Variants in SGCZ observed in about 807,000 individuals in gnomAD.
SGCZ encodes the protein zeta-sarcoglycan.
In SGCZ, 40 loss-of-function variants were observed where a neutral mutation model predicts 41.3. The observed-to-expected ratio is 0.97, with a 90% CI of 0.75 to 1.26. SGCZ has a LOEUF of 1.26. Ranked by LOEUF, SGCZ falls within the 50% of genes most tolerant of loss-of-function variation. The probability of loss-of-function intolerance (pLI) is 0.00; values close to 1 mark genes in which losing one functional copy is unlikely to be tolerated. For synonymous variants in SGCZ, 206 were observed against 137.5 expected, an observed-to-expected ratio of 1.50 and a Z score of -3.49; for missense variants, 552 against 369.8, an observed-to-expected ratio of 1.49 and a Z score of -4.04.
intron 1 of SGCZ, among the ~76,000 whole-genome samples, chr8:15,021,710 G>T (rs1403853409): frequency 6.6e-6 from 1 of 152,176 alleles, no homozygotes; most frequent in Non-Finnish European, 1.5e-5. Context: ...GACTTCCATT[G>T]ATTAGGATTT....
chr8:14,402,926 G>C lies in SGCZ; in HGVS notation c.235-78722C>G, dbSNP rs1275338049. ...TTGATTCTTCCTACCCATGAGCATG[G>C]AATGTTCTTCCATTTGTTTTTATCC... On this transcript the variant is annotated intron_variant, in intron 2 of 7. Transcript: ENST00000382080. Among the ~76,000 whole-genome samples, 7 of 149,958 alleles carry C rather than the reference G, an allele frequency of 4.7e-5. No homozygotes were observed. In the East Asian group the frequency reaches 1.3e-3, roughly 29 times the overall value.
intron 1 of SGCZ, among the ~76,000 whole-genome samples, chr8:15,100,697 T>C (rs1217441535): frequency 1.3e-5 from 2 of 152,212 alleles, no homozygotes; most frequent in African/African-American, 4.8e-5. Context: ...CAAGACTTAC[T>C]GTAGGCCAAA....
intron 1 of SGCZ, among the ~76,000 whole-genome samples, chr8:14,809,902 CTA>C (rs1178539138): frequency 6.6e-6 from 1 of 152,042 alleles, no homozygotes; most frequent in African/African-American, 2.4e-5. Flanking sequence ...ATTTAAGAAA[CTA>C]TTTACAGCTG....
chr8:14,786,852 CA>C (rs1334298742), intron 1 of SGCZ, among the ~76,000 whole-genome samples: 3 of 80,310 alleles, frequency 3.7e-5, no homozygotes, highest in African/African-American at 7.1e-5. Context: ...AAAAAAAAAA[CA>C]AAAAACACAT....
At chr8:14,426,755 G>A (rs2898391) in intron 2 of SGCZ, among the ~76,000 whole-genome samples, 21,006 of 152,038 alleles carry the variant, frequency 0.14, 3,824 homozygotes, top group African/African-American at 0.42. Context: ...AATAAAAAGT[G>A]TATGCTGAGA....
At chr8:14,600,803 T>G (rs1023651806) in intron 1 of SGCZ, among the ~76,000 whole-genome samples, 1 of 152,038 alleles carries the variant, frequency 6.6e-6, no homozygotes, top group African/African-American at 2.4e-5. Context: ...AAGAATAAAA[T>G]TAACTCCATT....
At chr8:14,798,190 G>A (rs1331853004) in intron 1 of SGCZ, among the ~76,000 whole-genome samples, 2 of 152,142 alleles carry the variant, frequency 1.3e-5, no homozygotes, top group East Asian at 1.9e-4. Context: ...TACAGAAATC[G>A]TTTTAAAAAC....
At chr8:14,725,577 T>G (rs1017692408) in intron 1 of SGCZ, among the ~76,000 whole-genome samples, 9 of 152,228 alleles carry the variant, frequency 5.9e-5, no homozygotes, top group Admixed American at 3.9e-4. Context: ...ATAAAAATAA[T>G]GAGAAGCAAG....
At chr8:14,471,529 G>A (rs981013323) in intron 2 of SGCZ, among the ~76,000 whole-genome samples, 1 of 151,892 alleles carries the variant, frequency 6.6e-6, no homozygotes, top group Non-Finnish European at 1.5e-5. Flanking sequence ...GTTTCTCAGT[G>A]GAGACTGTGT....
At chr8:14,264,660 G>C (rs548845285) in intron 3 of SGCZ, among the ~76,000 whole-genome samples, 2 of 152,222 alleles carry the variant, frequency 1.3e-5, no homozygotes, top group Admixed American at 1.3e-4. Context: ...TGAAGAACAA[G>C]CACTAAAACC....
At chr8:14,535,776 T>C (rs1461175858) in intron 2 of SGCZ, among the ~76,000 whole-genome samples, 1 of 151,842 alleles carries the variant, frequency 6.6e-6, no homozygotes, top group Non-Finnish European at 1.5e-5. Context: ...TTTTGGAGAA[T>C]GGATTAGGGT....
chr8:15,015,531 T>G (rs1398190723), intron 1 of SGCZ, among the ~76,000 whole-genome samples: 1 of 151,290 alleles, frequency 6.6e-6, no homozygotes, highest in South Asian at 2.1e-4. Context: ...ACTGAAAATA[T>G]AAAAAATTAG....
intron 2 of SGCZ, among the ~76,000 whole-genome samples, chr8:14,541,279 G>C (rs186762445): frequency 4.2e-4 from 64 of 151,890 alleles, no homozygotes; most frequent in Admixed American, 7.2e-4. Flanking sequence ...TTAGGTATTT[G>C]TCCTAATGCT....
intron 1 of SGCZ, among the ~76,000 whole-genome samples, chr8:15,115,957 A>G (rs932888552): frequency 1.3e-5 from 2 of 152,240 alleles, no homozygotes; most frequent in African/African-American, 4.8e-5. Flanking sequence ...AATAGGCCAC[A>G]TAGAAAGTAT....
At chr8:14,214,467 T>G (rs1805922801) in intron 4 of SGCZ, among the ~76,000 whole-genome samples, 1 of 152,128 alleles carries the variant, frequency 6.6e-6, no homozygotes, top group South Asian at 2.1e-4. Flanking sequence ...GTGACAAATG[T>G]ACCACACCAA....
At chr8:14,896,883 C>T (rs1585358955) in intron 1 of SGCZ, among the ~76,000 whole-genome samples, 1 of 151,904 alleles carries the variant, frequency 6.6e-6, no homozygotes, top group African/African-American at 2.4e-5. Context: ...TGGGTTGAAG[C>T]GATTCTCCCG....
At chr8:14,690,779 T>C (rs1297630639) in intron 1 of SGCZ, among the ~76,000 whole-genome samples, 2 of 152,194 alleles carry the variant, frequency 1.3e-5, no homozygotes, top group Non-Finnish European at 2.9e-5. Context: ...CCAAGTGTTT[T>C]TTATCTGAAA....
intron 4 of SGCZ, among the ~76,000 whole-genome samples, chr8:14,235,057 T>C (rs1398593414): frequency 6.6e-6 from 1 of 152,216 alleles, no homozygotes; most frequent in Non-Finnish European, 1.5e-5. Context: ...CTACCGTTTG[T>C]AGACACTGAC....
At chr8:14,154,239 G>A (rs192092376) in intron 5 of SGCZ, among the ~76,000 whole-genome samples, 2 of 152,032 alleles carry the variant, frequency 1.3e-5, no homozygotes, top group East Asian at 3.9e-4. Flanking sequence ...GCGTGGTGGT[G>A]GTCGCCTGTA....
Sources: gnomAD v4.1 joint callset for allele counts (sites outside exome capture counted in the v4.1 genomes callset) on GRCh38, gnomAD v4.1.1 for gene constraint, MANE v1.5 for transcripts, NCBI Gene and HGNC (gene_info 2026-07-23, HGNC 2026-07-21) for gene names.